FAM178B: variants seen among roughly 807,000 people sequenced by gnomAD.
The protein encoded by FAM178B is protein FAM178B.
A neutral mutation model predicts 91.7 loss-of-function variants in FAM178B; 82 were observed. The ratio of observed to expected loss-of-function variants is 0.89; its 90% confidence interval spans 0.75 to 1.07. The LOEUF (loss-of-function observed/expected upper bound fraction) is 1.07, where lower values mean the gene tolerates loss of function less well. FAM178B is among the 50% of genes least tolerant of loss of function. The pLI, the probability that FAM178B is intolerant of heterozygous loss-of-function variation, is 0.00. For synonymous variants in FAM178B, 368 were observed against 359.4 expected, an observed-to-expected ratio of 1.02 and a Z score of -0.27; for missense variants, 769 against 846.7, an observed-to-expected ratio of 0.91 and a Z score of 1.14.
Position 96,878,483 on chromosome 2 carries a change from A to T in FAM178B, c.1787T>A (p.Leu596Gln), listed in dbSNP as rs1246127704. The T allele has an allele frequency of 5.0e-6, 8 of 1,613,818 alleles. No individual in the cohort carries two copies. The highest frequency in any genetic ancestry group is 6.8e-6 in the Non-Finnish European group (8 of 1,179,976). ...GGCCAGCATCAGCAAGCTGTGGCAC[A>T]GGTAGCAGGCCTGGAGGGAGAGCAC... is the stretch of plus-strand genomic sequence containing the variant. ...SAELDHKACY[L>Q]CHSLLMLAGV... Residue 596 changes from leucine (L) to glutamine (Q), a missense_variant, in exon 15 of 17, where the codon CTG becomes CAG. Leu to Gln is a moderately radical substitution (Grantham distance 113). Transcript: ENST00000490605.
chr2:96,877,315 T>C lies in FAM178B; in HGVS notation c.2007+575A>G, dbSNP rs1026956566. Among the ~76,000 whole-genome samples, 8 of 151,944 alleles carry C rather than the reference T, an allele frequency of 5.3e-5. 1 individual carries two copies. In the East Asian group the frequency reaches 1.5e-3, roughly 29 times the overall value. ...GACTGGCACTCTGGGTCCAGACTTT[T>C]CCCTCTCCAGGGTGACTTTTCTTTG... On this transcript the variant is annotated intron_variant, in intron 16 of 16. Transcript: ENST00000490605.
At chr2:96,953,400 C>T (rs750562639) in intron 6 of FAM178B, among the ~76,000 whole-genome samples, 23 of 152,226 alleles carry the variant, frequency 1.5e-4, no homozygotes, top group Admixed American at 3.9e-4. Context: ...TCTGAGGAGA[C>T]GCTGGCTCTG....
chr2:96,926,039 C>T (rs945605741), intron 9 of FAM178B, among the ~76,000 whole-genome samples: 30 of 152,322 alleles, frequency 2.0e-4, no homozygotes, highest in African/African-American at 6.5e-4. Context: ...CATGGTGGCT[C>T]ATGCCTGTAA....
At chr2:96,912,980 G>A (rs999771513) in intron 12 of FAM178B, among the ~76,000 whole-genome samples, 1 of 152,206 alleles carries the variant, frequency 6.6e-6, no homozygotes, top group South Asian at 2.1e-4. Flanking sequence ...TTGGAGCTGC[G>A]GCAGGAGCTC....
At chr2:96,948,511 A>T (rs2081868822) in intron 7 of FAM178B, among the ~76,000 whole-genome samples, 1 of 152,226 alleles carries the variant, frequency 6.6e-6, no homozygotes. Context: ...GGAAACATGC[A>T]GAGAGGCTGA....
chr2:96,889,415 A>G (rs2080611162), intron 14 of FAM178B, among the ~76,000 whole-genome samples: 1 of 152,190 alleles, frequency 6.6e-6, no homozygotes. Flanking sequence ...GCGGTGGCTC[A>G]TACCTGTAAT....
In FAM178B at chr2:96,913,088, C is replaced by T. The variant is rs575237928; in HGVS notation, c.1562+8077G>A. Reference sequence around the variant, plus strand: ...AGAAAGCTAGTGAACAAAAAGCAAACGGTACAAGAATAAGGGATGACTGCA... The same window carrying T: ...AGAAAGCTAGTGAACAAAAAGCAAATGGTACAAGAATAAGGGATGACTGCA... On this transcript the variant is annotated intron_variant, in intron 12 of 16. Coordinates refer to ENST00000490605, the MANE Select transcript of FAM178B (RefSeq NM_001122646.3). Among the ~76,000 whole-genome samples the T allele has an allele frequency of 3.3e-4, 50 of 152,296 alleles. No homozygotes were observed. The South Asian group carries it at 4.6e-3, about 14-fold the overall frequency.
intron 9 of FAM178B, among the ~76,000 whole-genome samples, chr2:96,928,548 T>C (rs1233207173): frequency 6.6e-6 from 1 of 152,088 alleles, no homozygotes; most frequent in Non-Finnish European, 1.5e-5. Flanking sequence ...CTGCTGTTCC[T>C]GAGTGGATAT....
chr2:96,883,718 G>A (rs906825285), intron 14 of FAM178B, among the ~76,000 whole-genome samples: 61 of 152,200 alleles, frequency 4.0e-4, no homozygotes, highest in Non-Finnish European at 7.8e-4. Flanking sequence ...TGAGGCCCAG[G>A]GGCTCACCCC....
intron 8 of FAM178B, among the ~76,000 whole-genome samples, chr2:96,931,544 C>T (rs1452223941): frequency 1.3e-5 from 2 of 152,118 alleles, no homozygotes; most frequent in Admixed American, 6.5e-5. Flanking sequence ...GGCAGGGCAG[C>T]ACAAAGCAGC....
intron 6 of FAM178B, among the ~76,000 whole-genome samples, chr2:96,953,277 T>C (rs1364056923): frequency 1.3e-5 from 2 of 152,278 alleles, no homozygotes; most frequent in African/African-American, 2.4e-5. Context: ...TTCAAGAACA[T>C]GCACAGCAGC....
chr2:96,972,659 T>C (rs909621900), intron 1 of FAM178B, 53 bp from the exon 2 acceptor site: 1 of 1,503,448 alleles, frequency 6.7e-7, no homozygotes, highest in African/African-American at 1.4e-5. Context: ...AAGCTAAAGG[T>C]TCTAAACCCC....
At chr2:96,898,211 G>A in intron 13 of FAM178B, 1 of 761,114 alleles carries the variant, frequency 1.3e-6, no homozygotes, top group Non-Finnish European at 1.6e-6. Context: ...GACGGCCCTT[G>A]TCCTCCTGTC....
At chr2:96,941,433 A>C (rs2081728516) in intron 8 of FAM178B, among the ~76,000 whole-genome samples, 1 of 152,230 alleles carries the variant, frequency 6.6e-6, no homozygotes, top group Admixed American at 6.5e-5. Flanking sequence ...AGGAAAGAGA[A>C]TGCAACAGGC....
At chr2:96,878,312 G>C in intron 15 of FAM178B, 104 bp downstream of exon 15, 1 of 1,126,778 alleles carries the variant, frequency 8.9e-7, no homozygotes, top group South Asian at 1.3e-5. Flanking sequence ...ACTCTCTGCA[G>C]TTCCTAACAG....
intron 12 of FAM178B, among the ~76,000 whole-genome samples, chr2:96,916,958 C>T (rs1427268724): frequency 1.3e-5 from 2 of 152,182 alleles, no homozygotes; most frequent in Admixed American, 6.5e-5. Context: ...GTGGCCGCCG[C>T]GGGAAGCACA....
At chr2:96,971,828 C>G in intron 3 of FAM178B, 73 bp downstream of exon 3, 2 of 1,380,750 alleles carry the variant, frequency 1.4e-6, no homozygotes, top group Non-Finnish European at 9.6e-7. Flanking sequence ...AGAGGGTGGC[C>G]TGGGGTGACT....
chr2:96,979,928 G>C lies in FAM178B; in HGVS notation c.73+6313C>G, dbSNP rs542764473. Among the ~76,000 whole-genome samples, 3 of 152,322 alleles carry C rather than the reference G, an allele frequency of 2.0e-5. No homozygotes were observed. In the East Asian group the frequency reaches 5.8e-4, roughly 29 times the overall value. ...GGGAATAGGTATGTCCATTATAGTA[G>C]ATAGGGCTAAACAGTTTTAAAGTTT... On this transcript the variant is annotated intron_variant, in intron 1 of 16. Transcript: ENST00000490605.
At chr2:96,958,411 G>A (rs1026760100) in intron 6 of FAM178B, among the ~76,000 whole-genome samples, 5 of 152,024 alleles carry the variant, frequency 3.3e-5, no homozygotes, top group African/African-American at 1.2e-4. Context: ...TTGAAGGCCA[G>A]GCGCAGTGGC....
Sources: allele counts gnomAD v4.1 joint callset (sites outside exome capture counted in the v4.1 genomes callset), GRCh38; gene constraint gnomAD v4.1.1; transcripts MANE v1.5; gene names NCBI Gene and HGNC (gene_info 2026-07-23, HGNC 2026-07-21).